TCERG1: variants seen among roughly 807,000 people sequenced by gnomAD.
TCERG1 encodes the protein TATA box binding protein (TBP)-associated factor, RNA polymerase II, S, 150kD.
Under a neutral mutation model 144.7 loss-of-function variants are expected in TCERG1, and 37 were observed. The ratio of observed to expected loss-of-function variants is 0.26; its 90% CI spans 0.20 to 0.34. The LOEUF is 0.34. Among genes scored for constraint, TCERG1 ranks in the 10% least tolerant of loss-of-function variants. The probability of loss-of-function intolerance (pLI) is 1.00; values close to 1 mark genes in which losing one functional copy is unlikely to be tolerated. For missense variants in TCERG1, 1,027 were observed against 1,380.7 expected (o/e 0.74, Z 4.06); for synonymous variants, 492 against 458.2 (o/e 1.07, Z -0.94).
chr5:146,483,772 CTG>C, intron 15 of TCERG1, 143 bp downstream of exon 15: 1 of 613,362 alleles, frequency 1.6e-6, no homozygotes, highest in Non-Finnish European at 2.7e-6. Flanking sequence ...TATTATGTGT[CTG>C]TGTGTGGACA....
intron 18 of TCERG1, 42 bp downstream of exon 18, chr5:146,503,581 C>G: frequency 6.3e-7 from 1 of 1,599,688 alleles, no homozygotes; most frequent in Non-Finnish European, 8.5e-7. Context: ...TTGAATAATA[C>G]AATTCTTGTG....
At chr5:146,491,511 G>C (rs10069071) in intron 15 of TCERG1, among the ~76,000 whole-genome samples, 17 of 152,028 alleles carry the variant, frequency 1.1e-4, no homozygotes, top group Admixed American at 6.6e-5. Context: ...AGTTAGGCTG[G>C]TTTGTTGAGA....
chr5:146,451,378 A>C (rs1762329196), intron 1 of TCERG1, among the ~76,000 whole-genome samples: 1 of 146,618 alleles, frequency 6.8e-6, no homozygotes, highest in South Asian at 2.1e-4. Flanking sequence ...GCTGAAGTGC[A>C]GTGGTGTGAT....
Position 146,494,475 on chromosome 5 carries a change from C to A in TCERG1, c.2282+1437C>A, listed in dbSNP as rs142344610. Among the ~76,000 whole-genome samples the A allele has an allele frequency of 5.8e-3, 877 of 152,174 alleles. 13 individuals carry two copies. The highest frequency in any genetic ancestry group is 0.019 in the African/African-American group (795 of 41,540). On this transcript the variant is annotated intron_variant, in intron 16 of 22. Coordinates refer to ENST00000679501, the MANE Select transcript of TCERG1 (RefSeq NM_001382548.1). ...CATATCGTAGTACTCTACTGGTGTT[C>A]TTTTCAGGCAGGTAGAATTGTTGAA... is the stretch of plus-strand genomic sequence containing the variant.
intron 15 of TCERG1, among the ~76,000 whole-genome samples, chr5:146,487,986 A>T (rs1766008375): frequency 6.6e-6 from 1 of 152,184 alleles, no homozygotes; most frequent in South Asian, 2.1e-4. Flanking sequence ...GGTGCCAAGA[A>T]CACTCACTGT....
intron 15 of TCERG1, among the ~76,000 whole-genome samples, chr5:146,486,618 CT>C (rs1300661401): frequency 1.3e-5 from 2 of 152,180 alleles, no homozygotes; most frequent in African/African-American, 4.8e-5. Context: ...TTTCACCACT[CT>C]TAGTCAACAT....
At chr5:146,506,213 T>C (rs1158824031) in intron 19 of TCERG1, among the ~76,000 whole-genome samples, 1 of 152,238 alleles carries the variant, frequency 6.6e-6, no homozygotes, top group Admixed American at 6.5e-5. Context: ...TGTTTTTGTA[T>C]TTTTGTTTTC....
At chr5:146,508,234 G>A (rs1485896325) in intron 21 of TCERG1, among the ~76,000 whole-genome samples, 1 of 152,076 alleles carries the variant, frequency 6.6e-6, no homozygotes, top group Non-Finnish European at 1.5e-5. Context: ...TTTTAGTCAG[G>A]TACCACTAGA....
At chr5:146,491,236 C>A (rs1215553811) in intron 15 of TCERG1, among the ~76,000 whole-genome samples, 1 of 151,990 alleles carries the variant, frequency 6.6e-6, no homozygotes, top group Non-Finnish European at 1.5e-5. Flanking sequence ...ATCCTCCTGC[C>A]TTGCCCTCCC....
chr5:146,447,566 G>A (rs1327736875), intron 1 of TCERG1, among the ~76,000 whole-genome samples, 158 bp downstream of exon 1: 2 of 152,240 alleles, frequency 1.3e-5, no homozygotes, highest in African/African-American at 4.8e-5. Context: ...AGGGGAAGGT[G>A]GCTTGAATGA....
chr5:146,497,451 A>G (rs1277814779), intron 16 of TCERG1, among the ~76,000 whole-genome samples: 1 of 152,142 alleles, frequency 6.6e-6, no homozygotes, highest in African/African-American at 2.4e-5. Context: ...CTGGCCAGTA[A>G]TAGTTGTTTT....
rs188949503 is a variant in TCERG1, at chr5:146,496,077, T to C, written c.2283-2459T>C. On this transcript the variant is annotated intron_variant, in intron 16 of 22. Coordinates refer to ENST00000679501, the MANE Select transcript of TCERG1 (RefSeq NM_001382548.1). ...CTGAGGCAGAAGAATTGCTTGAACCTGGAGGCGGAGGTTGCAGTGAGCCAA... is the reference window on the plus strand; with the variant it reads ...CTGAGGCAGAAGAATTGCTTGAACCCGGAGGCGGAGGTTGCAGTGAGCCAA... Among the ~76,000 whole-genome samples, 881 of 152,298 alleles carry C rather than the reference T, an allele frequency of 5.8e-3. 13 individuals carry two copies. The highest frequency in any genetic ancestry group is 0.019 in the African/African-American group (799 of 41,578).
chr5:146,457,860 G>GT (rs1462589323), intron 3 of TCERG1, among the ~76,000 whole-genome samples: 43 of 152,142 alleles, frequency 2.8e-4, no homozygotes, highest in Admixed American at 2.8e-3. Context: ...TTTTGTTTTT[G>GT]TTTTTTGAGA....
intron 5 of TCERG1, among the ~76,000 whole-genome samples, chr5:146,465,719 G>C (rs888314538): frequency 1.3e-5 from 2 of 152,092 alleles, no homozygotes; most frequent in African/African-American, 4.8e-5. Context: ...TTTCTTTGGA[G>C]AGAGTGAGTG....
intron 19 of TCERG1, among the ~76,000 whole-genome samples, chr5:146,505,239 G>A (rs771415625): frequency 6.6e-6 from 1 of 152,170 alleles, no homozygotes; most frequent in African/African-American, 2.4e-5. Flanking sequence ...GACAATTACA[G>A]TAGTTTCCTA....
chr5:146,479,470 C>T (rs745561194), intron 10 of TCERG1, among the ~76,000 whole-genome samples: 2 of 152,044 alleles, frequency 1.3e-5, no homozygotes, highest in East Asian at 3.8e-4. Flanking sequence ...GATAATAATA[C>T]TTTATAACTA....
chr5:146,509,145 A>G lies in TCERG1; in HGVS notation c.3046A>G (p.Lys1016Glu). The G allele has an allele frequency of 6.4e-7, 1 of 1,554,976 alleles. No individual in the cohort carries two copies. The highest frequency in any genetic ancestry group is 1.4e-5 in the African/African-American group (1 of 72,098). Residue 1016 changes from lysine to glutamate, a missense_variant and splice_region_variant, in exon 22 of 23, where the codon AAA (lysine) becomes GAA (glutamate). Lys to Glu is a moderately conservative substitution (Grantham distance 56, BLOSUM62 1). Transcript: ENST00000679501. ...TCAACTTTTTTTTTTTTATTAACAGAAAAAACAAAGAGAATTTGAAGAATA... is the reference window on the plus strand; with the variant it reads ...TCAACTTTTTTTTTTTTATTAACAGGAAAAACAAAGAGAATTTGAAGAATA... ...RCIKFSSSDR[K>E]KQREFEEYIR...
chr5:146,454,990 A>C, intron 1 of TCERG1, 66 bp from the exon 2 acceptor site: 33 of 1,517,660 alleles, frequency 2.2e-5, no homozygotes, highest in Non-Finnish European at 2.8e-5. Flanking sequence ...GGATGTAATT[A>C]GAGATCAGTA....
chr5:146,490,054 T>A (rs1461643672), intron 15 of TCERG1, among the ~76,000 whole-genome samples: 2 of 152,316 alleles, frequency 1.3e-5, no homozygotes, highest in East Asian at 3.9e-4. Context: ...TCATTTAATA[T>A]TTTATTTATA....
Sources: gnomAD v4.1 joint callset for allele counts (sites outside exome capture counted in the v4.1 genomes callset) on GRCh38, gnomAD v4.1.1 for gene constraint, MANE v1.5 for transcripts, NCBI Gene and HGNC (gene_info 2026-07-23, HGNC 2026-07-21) for gene names.